Variants in FAM171B observed in about 807,000 individuals in gnomAD.
FAM171B encodes protein FAM171B.
FAM171B carries 19 observed loss-of-function variants against 75.6 expected under a neutral mutation model. The ratio of observed to expected loss-of-function variants is 0.25; its 90% confidence interval spans 0.18 to 0.37. FAM171B has a LOEUF of 0.37. Ranked by LOEUF, FAM171B falls within the 10% of genes least tolerant of loss-of-function variation. The pLI, the probability that FAM171B is intolerant of heterozygous loss-of-function variation, is 1.00. For missense variants in FAM171B, 848 were observed against 982.4 expected (o/e 0.86, Z 1.83); for synonymous variants, 367 against 361.7 (o/e 1.01, Z -0.17).
chr2:186,725,182 A>C (rs1021389622), intron 1 of FAM171B, among the ~76,000 whole-genome samples: 1 of 133,200 alleles, frequency 7.5e-6, no homozygotes, highest in Non-Finnish European at 1.6e-5. Context: ...GTCTCTACTA[A>C]AAATACAAAA....
intron 4 of FAM171B, 67 bp from the exon 5 acceptor site, chr2:186,751,067 C>A: frequency 1.7e-6 from 2 of 1,209,040 alleles, no homozygotes; most frequent in Middle Eastern, 2.2e-4. Context: ...TTATTTTAGA[C>A]CTATAATAAT....
intron 2 of FAM171B, among the ~76,000 whole-genome samples, chr2:186,741,886 A>G (rs1218483863): frequency 1.3e-5 from 2 of 151,902 alleles, no homozygotes; most frequent in Non-Finnish European, 2.9e-5. Flanking sequence ...AGCTGATGCA[A>G]TATTTTTGTA....
chr2:186,762,287 G>T lies in FAM171B; in HGVS notation c.1945G>T (p.Glu649Ter). Reference sequence around the variant, plus strand: ...TGTTGTAATGACTCCATTTTCATCGGAACTTCAAGGAATTTCAGAACAGAC... The same window carrying T: ...TGTTGTAATGACTCCATTTTCATCGTAACTTCAAGGAATTTCAGAACAGAC... ...EAVVMTPFSSELQGISEQTLL... is the reference protein window; with the variant it reads ...EAVVMTPFSS The change falls in exon 8 of 8, where the codon GAA becomes TAA. Residue 649 changes from glutamate (E) to a stop codon, truncating the protein, a stop_gained. Coordinates refer to ENST00000304698, the MANE Select transcript of FAM171B (RefSeq NM_177454.4). LOFTEE classifies it high-confidence loss of function. This position sits in a 1 kb window ranked among gnomAD's most constrained non-coding sequence, Gnocchi z 4.0. 1 of 1,613,622 alleles carries T rather than the reference G, an allele frequency of 6.2e-7. No individual in the cohort carries two copies. The highest frequency in any genetic ancestry group is 1.1e-5 in the South Asian group (1 of 91,068).
chr2:186,718,166 A>G (rs1689899990), intron 1 of FAM171B, among the ~76,000 whole-genome samples: 1 of 145,476 alleles, frequency 6.9e-6, no homozygotes, highest in Admixed American at 7.0e-5. Context: ...TCTTGCTCCT[A>G]AACTATTTCA....
chr2:186,697,243 A>T (rs557824863), intron 1 of FAM171B, among the ~76,000 whole-genome samples: 94 of 152,222 alleles, frequency 6.2e-4, no homozygotes, highest in African/African-American at 2.2e-3. Flanking sequence ...AAACTGATTG[A>T]TACCTATACT....
chr2:186,727,367 C>T (rs1690049957), intron 1 of FAM171B, among the ~76,000 whole-genome samples: 1 of 152,102 alleles, frequency 6.6e-6, no homozygotes, highest in Non-Finnish European at 1.5e-5. Context: ...TTTAAAAGGG[C>T]ATTTCAGATG....
At chr2:186,758,179 T>C (rs1459699317) in intron 6 of FAM171B, among the ~76,000 whole-genome samples, 1 of 152,158 alleles carries the variant, frequency 6.6e-6, no homozygotes, top group South Asian at 2.1e-4. Context: ...AAGTATTTAC[T>C]CATTTAATCG....
chr2:186,715,336 G>A (rs1052694791), intron 1 of FAM171B, among the ~76,000 whole-genome samples: 3 of 152,042 alleles, frequency 2.0e-5, no homozygotes, highest in African/African-American at 4.8e-5. Flanking sequence ...CCAGGTAGCT[G>A]GGACTACAGG....
At chr2:186,743,705 A>G (rs1402246464) in intron 3 of FAM171B, 130 bp downstream of exon 3, 10 of 623,900 alleles carry the variant, frequency 1.6e-5, no homozygotes, top group Admixed American at 6.2e-5. Flanking sequence ...AGCACTGACT[A>G]TAAGTTGATC....
At chr2:186,700,618 A>G (rs962362767) in intron 1 of FAM171B, among the ~76,000 whole-genome samples, 1 of 152,116 alleles carries the variant, frequency 6.6e-6, no homozygotes, top group Non-Finnish European at 1.5e-5. Flanking sequence ...ATTACCACAG[A>G]TCAGTTTATT....
intron 6 of FAM171B, among the ~76,000 whole-genome samples, chr2:186,755,246 G>C (rs1486539091): frequency 6.6e-6 from 1 of 152,258 alleles, no homozygotes; most frequent in East Asian, 1.9e-4. Flanking sequence ...GTATGTGTTG[G>C]CATAAAATCA....
chr2:186,746,955 A>C, intron 3 of FAM171B, 137 bp from the exon 4 acceptor site: 1 of 638,858 alleles, frequency 1.6e-6, no homozygotes. Flanking sequence ...TTCTGCATTT[A>C]AAATAATTAC....
chr2:186,726,579 C>T (rs1574103491), intron 1 of FAM171B, among the ~76,000 whole-genome samples: 1 of 152,158 alleles, frequency 6.6e-6, no homozygotes, highest in African/African-American at 2.4e-5. Context: ...ATAGGGAAAT[C>T]GTGCTAGTAC....
At chr2:186,697,750 C>T (rs1401793955) in intron 1 of FAM171B, among the ~76,000 whole-genome samples, 3 of 152,134 alleles carry the variant, frequency 2.0e-5, no homozygotes, top group African/African-American at 7.2e-5. Flanking sequence ...TGATATATGA[C>T]TAAGCCTTAT....
intron 3 of FAM171B, among the ~76,000 whole-genome samples, chr2:186,744,299 A>G (rs990883690): frequency 3.9e-5 from 6 of 152,204 alleles, no homozygotes; most frequent in African/African-American, 1.4e-4. Context: ...GAAAGCCCTC[A>G]AGGTGGAGTC....
At chr2:186,718,217 A>C (rs757743040) in intron 1 of FAM171B, among the ~76,000 whole-genome samples, 2 of 152,084 alleles carry the variant, frequency 1.3e-5, no homozygotes, top group African/African-American at 2.4e-5. Flanking sequence ...CCATTTTACA[A>C]ATTGCTCCCA....
chr2:186,743,002 G>T (rs1690310610), intron 2 of FAM171B, among the ~76,000 whole-genome samples: 2 of 152,072 alleles, frequency 1.3e-5, no homozygotes, highest in Non-Finnish European at 2.9e-5. Context: ...GATCCTTTTG[G>T]CAAACCACAC....
chr2:186,721,630 T>C (rs186561959), intron 1 of FAM171B, among the ~76,000 whole-genome samples: 17 of 152,318 alleles, frequency 1.1e-4, no homozygotes, highest in Middle Eastern at 3.4e-3. Context: ...TACAATTCTC[T>C]AAACTCTCAC....
At chr2:186,711,038 T>C (rs1238013049) in intron 1 of FAM171B, among the ~76,000 whole-genome samples, 2 of 152,126 alleles carry the variant, frequency 1.3e-5, no homozygotes, top group Non-Finnish European at 2.9e-5. Context: ...AAAATGGTAA[T>C]GGTAAAACAA....
Sources: allele counts gnomAD v4.1 joint callset (sites outside exome capture counted in the v4.1 genomes callset), GRCh38; gene constraint gnomAD v4.1.1; non-coding constraint Gnocchi (gnomAD v3.1); transcripts MANE v1.5; gene names NCBI Gene and HGNC (gene_info 2026-07-23, HGNC 2026-07-21).